Variants in PLVAP observed in about 807,000 individuals in gnomAD.
PLVAP encodes plasmalemma vesicle associated protein, also known as plasmalemma vesicle-associated protein.
A neutral mutation model predicts 43.1 loss-of-function variants in PLVAP; 34 were observed. The observed-to-expected ratio is 0.79, with a 90% confidence interval of 0.60 to 1.05. PLVAP has a LOEUF of 1.05. Among genes scored for constraint, PLVAP ranks in the 50% least tolerant of loss-of-function variants. The pLI is 0.00. For missense variants in PLVAP, 574 were observed against 593.4 expected, an observed-to-expected ratio of 0.97 and a Z score of 0.34; for synonymous variants, 241 against 237.3, an observed-to-expected ratio of 1.02 and a Z score of -0.14.
chr19:17,374,678 TAC>T (rs1196933882), intron 1 of PLVAP, among the ~76,000 whole-genome samples: 1 of 151,680 alleles, frequency 6.6e-6, no homozygotes, highest in African/African-American at 2.4e-5. Context: ...CAGGCTGGAG[TAC>T]AGTGGCACTA....
intron 1 of PLVAP, among the ~76,000 whole-genome samples, chr19:17,376,160 A>C (rs936128479): frequency 3.3e-5 from 5 of 152,026 alleles, no homozygotes; most frequent in African/African-American, 1.2e-4. Context: ...CCTGGGTGAC[A>C]GAGTGAGACC....
At chr19:17,366,237 G>C in intron 1 of PLVAP, 42 bp from the exon 2 acceptor site, 1 of 1,601,852 alleles carries the variant, frequency 6.2e-7, no homozygotes, top group Non-Finnish European at 8.6e-7. Context: ...AGAGCTTAGT[G>C]TCTTGCCCCC....
intron 3 of PLVAP, among the ~76,000 whole-genome samples, chr19:17,363,642 G>T (rs1243931798): frequency 6.6e-6 from 1 of 151,402 alleles, no homozygotes; most frequent in African/African-American, 2.4e-5. Context: ...GTGCAATCCC[G>T]GCTCACTGCA....
chr19:17,358,957 AC>A (rs1162968050), intron 5 of PLVAP, among the ~76,000 whole-genome samples: 6 of 151,334 alleles, frequency 4.0e-5, no homozygotes, highest in African/African-American at 1.5e-4. Context: ...GCACCACCAC[AC>A]CTGGGTAATT....
At chr19:17,355,850 C>T (rs767797900) in intron 5 of PLVAP, among the ~76,000 whole-genome samples, 2 of 151,976 alleles carry the variant, frequency 1.3e-5, no homozygotes, top group African/African-American at 4.8e-5. Flanking sequence ...GTCTTTATAT[C>T]GTTTTTAAAG....
chr19:17,372,156 G>T (rs1210843755), intron 1 of PLVAP, among the ~76,000 whole-genome samples: 1 of 150,464 alleles, frequency 6.6e-6, no homozygotes, highest in East Asian at 2.0e-4. Context: ...TTATAGAGAA[G>T]AGGTGTCTTG....
chr19:17,371,280 G>A (rs1230231997), intron 1 of PLVAP, among the ~76,000 whole-genome samples: 4 of 150,178 alleles, frequency 2.7e-5, no homozygotes, highest in African/African-American at 9.8e-5. Context: ...TCATGCCTCA[G>A]CCTCCCAAGT....
intron 5 of PLVAP, among the ~76,000 whole-genome samples, chr19:17,353,932 T>C (rs33957996): frequency 9.0e-5 from 1 of 11,096 alleles, no homozygotes. Flanking sequence ...ATCAGAGGCG[T>C]TAACAGTGAA....
At chr19:17,364,764 CTTTTTTTTTTTTT>C (rs71162109) in intron 3 of PLVAP, among the ~76,000 whole-genome samples, 1 of 87,360 alleles carries the variant, frequency 1.1e-5, no homozygotes. Context: ...TAATTCCAGT[CTTTTTTTTTTTTT>C]TTTTTTTTTT....
intron 1 of PLVAP, among the ~76,000 whole-genome samples, chr19:17,372,700 C>T (rs1286922999): frequency 1.3e-5 from 2 of 150,836 alleles, no homozygotes; most frequent in African/African-American, 4.8e-5. Flanking sequence ...TAGTGATCCA[C>T]CCACCTCGGC....
intron 1 of PLVAP, among the ~76,000 whole-genome samples, chr19:17,375,711 G>A (rs768648614): frequency 1.6e-4 from 25 of 151,752 alleles, no homozygotes; most frequent in Middle Eastern, 3.2e-3. Context: ...GTGAAACCCC[G>A]TCTCTACTAA....
At chr19:17,355,067 C>CA (rs1217827735) in intron 5 of PLVAP, among the ~76,000 whole-genome samples, 7 of 146,582 alleles carry the variant, frequency 4.8e-5, no homozygotes, top group East Asian at 2.0e-4. Flanking sequence ...ACTAAAAATA[C>CA]AAAAAAAATC....
chr19:17,355,279 C>A (rs1014203708), intron 5 of PLVAP, among the ~76,000 whole-genome samples: 2 of 142,846 alleles, frequency 1.4e-5, no homozygotes, highest in African/African-American at 2.6e-5. Context: ...ATAATAAAAT[C>A]TTTTTTAAAA....
chr19:17,358,521 G>A (rs1403085884), intron 5 of PLVAP, among the ~76,000 whole-genome samples: 1 of 152,168 alleles, frequency 6.6e-6, no homozygotes, highest in African/African-American at 2.4e-5. Context: ...GCAATGCCAG[G>A]CCCTGACTCC....
At chr19:17,374,979 C>T (rs767165363) in intron 1 of PLVAP, among the ~76,000 whole-genome samples, 4 of 152,012 alleles carry the variant, frequency 2.6e-5, no homozygotes, top group Admixed American at 6.6e-5. Context: ...CCACCATACC[C>T]GGCTAATAAT....
chr19:17,376,822 G>T, intron 1 of PLVAP, 98 bp downstream of exon 1: 1 of 1,195,034 alleles, frequency 8.4e-7, no homozygotes, highest in Non-Finnish European at 1.2e-6. Flanking sequence ...CATTGGTCCT[G>T]TGATCGTCCC....
chr19:17,365,784 G>A lies in PLVAP; in HGVS notation c.681C>T (p.Pro227=). The part of the protein sequence containing the change: ...QLQKVQALCL[P]LDKDKFEMDL... ...CCATCTCAAACTTGTCCTTGTCCAG[G>A]GGCAGGCAGAGGGCTTGCACCTTTT... Residue 227 remains proline, a synonymous_variant, in exon 3 of 6, where the codon CCC becomes CCT. Coordinates refer to ENST00000252590, the MANE Select transcript of PLVAP (RefSeq NM_031310.3). 2.5e-6 allele frequency: 4 copies of A among 1,614,156 alleles called. No homozygotes were observed. Among genetic ancestry groups the A allele is most frequent in the Non-Finnish European group, 3.4e-6 (4 of 1,180,032 alleles).
In PLVAP at chr19:17,352,322, C is replaced by T. The variant is rs780456168; in HGVS notation, c.*40G>A. 2 of 1,612,630 alleles carry T rather than the reference C, an allele frequency of 1.2e-6. No homozygotes were observed. The highest frequency in any genetic ancestry group is 1.7e-6 in the Non-Finnish European group (2 of 1,179,024). On this transcript the variant is annotated 3_prime_UTR_variant, in exon 6 of 6. Transcript: ENST00000252590. Reference sequence around the variant, plus strand: ...TATCCCTGCATCCTCCGCAAACCGCCGAGTCGGGCCATCCCTTGGTCCTCA... The same window carrying T: ...TATCCCTGCATCCTCCGCAAACCGCTGAGTCGGGCCATCCCTTGGTCCTCA...
intron 1 of PLVAP, among the ~76,000 whole-genome samples, chr19:17,367,753 TC>T (rs1165982170): frequency 5.9e-5 from 9 of 152,268 alleles, no homozygotes; most frequent in Admixed American, 5.2e-4. Context: ...ATCTCCCCCA[TC>T]AGCCTCCCAA....
Sources: gnomAD v4.1 joint callset for allele counts (sites outside exome capture counted in the v4.1 genomes callset) on GRCh38, gnomAD v4.1.1 for gene constraint, MANE v1.5 for transcripts, NCBI Gene and HGNC (gene_info 2026-07-23, HGNC 2026-07-21) for gene names.